ZNF644: variants seen among roughly 807,000 people sequenced by gnomAD.
The protein encoded by ZNF644 is zinc finger motif enhancer binding protein 2.
Under a neutral mutation model 108.0 loss-of-function variants are expected in ZNF644, and 20 were observed. The observed-to-expected ratio is 0.19, with a 90% confidence interval of 0.13 to 0.27. ZNF644 has a LOEUF of 0.27. Ranked by LOEUF, ZNF644 falls within the 10% of genes least tolerant of loss-of-function variation. ZNF644 has a pLI of 1.00. For synonymous variants in ZNF644, 542 were observed against 539.1 expected (o/e 1.01, Z -0.08); for missense variants, 1,338 against 1,548.9 (o/e 0.86, Z 2.29).
intron 1 of ZNF644, among the ~76,000 whole-genome samples, chr1:91,007,980 TATC>T (rs1191147814): frequency 1.3e-5 from 2 of 152,224 alleles, no homozygotes; most frequent in African/African-American, 4.8e-5. Context: ...CCACATCTGT[TATC>T]AGTTAGATAT....
At chr1:90,921,580 C>G (rs1288013457) in intron 4 of ZNF644, among the ~76,000 whole-genome samples, 1 of 151,912 alleles carries the variant, frequency 6.6e-6, no homozygotes, top group African/African-American at 2.4e-5. Flanking sequence ...GTCATCCAAA[C>G]CTTCCTAAGA....
chr1:90,998,737 A>G (rs905131181), intron 1 of ZNF644, among the ~76,000 whole-genome samples: 4 of 152,068 alleles, frequency 2.6e-5, no homozygotes, highest in African/African-American at 9.6e-5. Context: ...GGCTTCAGAC[A>G]ATCAAACTTC....
At chr1:91,001,302 C>T (rs1170849847) in intron 1 of ZNF644, among the ~76,000 whole-genome samples, 2 of 152,128 alleles carry the variant, frequency 1.3e-5, no homozygotes, top group East Asian at 1.9e-4. Context: ...TACTGGCAAA[C>T]CGAATCCAGC....
rs139430315 is a variant in ZNF644, at chr1:91,012,799, G to A, written c.-18+9191C>T. On this transcript the variant is annotated intron_variant, in intron 1 of 5. Transcript: ENST00000337393. ...GTATACTTATATGTATAAATTCACT[G>A]AGTTGTACTTAAGATTTGTGCACTT... is the stretch of plus-strand genomic sequence containing the variant. Among the ~76,000 whole-genome samples, 760 of 152,118 alleles carry A rather than the reference G, an allele frequency of 5.0e-3. 20 individuals carry two copies. Among genetic ancestry groups the A allele is most frequent in the Admixed American group, 0.044 (678 of 15,274 alleles).
At chr1:90,953,989 A>G (rs912490221) in intron 2 of ZNF644, among the ~76,000 whole-genome samples, 2 of 152,174 alleles carry the variant, frequency 1.3e-5, no homozygotes, top group Non-Finnish European at 2.9e-5. Context: ...CAGTCATCTG[A>G]GCATTCAGTG....
At position 90,937,685 on chromosome 1, in the gene ZNF644, C is replaced by G. The variant is rs758164024; in HGVS notation, c.3488G>C (p.Gly1163Ala). The G allele has an allele frequency of 3.1e-6, 5 of 1,613,678 alleles. No homozygotes were observed. Among genetic ancestry groups the G allele is most frequent in the African/African-American group, 2.7e-5 (2 of 74,874 alleles). The change falls in exon 4 of 6, where the codon GGG becomes GCG. Residue 1163 changes from glycine to alanine, a missense_variant. By Grantham distance (60) the Gly-to-Ala change is moderately conservative. Around this residue, in one of 6 missense-constraint regions of ZNF644, gnomAD observed 287 missense variants for 310.9 expected, o/e 0.92. Coordinates refer to ENST00000337393, the MANE Select transcript of ZNF644 (RefSeq NM_201269.3). ...YDETKPELPS[G>A]KKNQSLTLIE... is the part of the protein sequence containing the mutation. ...GAGTGTAAGAGACTGATTCTTTTTCCCACTGGGCAGTTCTGGTTTTGTTTC... is the reference window on the plus strand; with the variant it reads ...GAGTGTAAGAGACTGATTCTTTTTCGCACTGGGCAGTTCTGGTTTTGTTTC...
At chr1:90,997,254 G>A (rs1658236079) in intron 1 of ZNF644, among the ~76,000 whole-genome samples, 1 of 152,128 alleles carries the variant, frequency 6.6e-6, no homozygotes, top group Admixed American at 6.6e-5. Context: ...GTAAGGCAGA[G>A]TTGTAAACTG....
chr1:90,916,879 C>T lies in ZNF644; in HGVS notation c.3903G>A (p.Val1301=), dbSNP rs1364394267. The change falls in exon 6 of 6, where the codon GTG becomes GTA. Residue 1301 remains valine, a synonymous_variant. Transcript: ENST00000337393. ...ANLPRTGAGM[V]EVTSLLKKPA... ...GCTTTTTAAGTAGTGACGTGACTTC[C>T]ACCATGCCAGCTCCAGTCCGTGGAA... 1 of 1,614,156 alleles carries T rather than the reference C, an allele frequency of 6.2e-7. No homozygotes were observed. Among genetic ancestry groups the T allele is most frequent in the South Asian group, 1.1e-5 (1 of 91,082 alleles).
At position 90,937,476 on chromosome 1, in the gene ZNF644, T is replaced by C; in HGVS notation, c.3688+9A>G. ...ACTGTGTATAGCATAGTCATAAACG[T>C]CCTCTTACCTGAGTGCATAGTCAAG... On this transcript the variant is annotated intron_variant, in intron 4 of 5. Transcript: ENST00000337393. 2 of 1,613,646 alleles carry C rather than the reference T, an allele frequency of 1.2e-6. No individual in the cohort carries two copies. The highest frequency in any genetic ancestry group is 1.7e-6 in the Non-Finnish European group (2 of 1,179,602).
At chr1:91,011,398 C>A (rs972964239) in intron 1 of ZNF644, among the ~76,000 whole-genome samples, 1 of 152,078 alleles carries the variant, frequency 6.6e-6, no homozygotes, top group South Asian at 2.1e-4. Context: ...TTCTTCAAAA[C>A]CAGATATACT....
At chr1:90,997,470 C>T (rs752280428) in intron 1 of ZNF644, among the ~76,000 whole-genome samples, 9 of 151,450 alleles carry the variant, frequency 5.9e-5, no homozygotes, top group Non-Finnish European at 7.4e-5. Flanking sequence ...TAACAAACAA[C>T]GCTGGGGCAG....
intron 1 of ZNF644, among the ~76,000 whole-genome samples, chr1:91,014,582 A>C (rs1660268270): frequency 1.3e-5 from 2 of 152,150 alleles, no homozygotes; most frequent in Admixed American, 1.3e-4. Flanking sequence ...AAATCCCATA[A>C]AGTATTAGTT....
chr1:90,994,194 T>C (rs1212774810), intron 1 of ZNF644, among the ~76,000 whole-genome samples: 1 of 152,186 alleles, frequency 6.6e-6, no homozygotes, highest in Non-Finnish European at 1.5e-5. Context: ...GTGGCTATCT[T>C]TGCCACACTT....
rs7554688 is a variant in ZNF644 at position 90,972,571 on chromosome 1, C to T, written c.44+9739G>A. Among the ~76,000 whole-genome samples the T allele has an allele frequency of 3.2e-3, 482 of 152,256 alleles. 2 individuals are homozygous for T. The highest frequency in any genetic ancestry group is 0.011 in the African/African-American group (448 of 41,560). On this transcript the variant is annotated intron_variant, in intron 2 of 5. Transcript: ENST00000337393. ...AAAACTATGGTGGCTCCTCAAAAAA[C>T]TAAAAATAGAATTACCATATGATCC...
intron 1 of ZNF644, among the ~76,000 whole-genome samples, chr1:91,010,859 C>T (rs910834139): frequency 3.9e-5 from 6 of 152,042 alleles, no homozygotes; most frequent in Admixed American, 6.6e-5. Flanking sequence ...GGAAATACAA[C>T]CAGACAAACA....
chr1:90,934,264 A>C (rs547914047), intron 4 of ZNF644, among the ~76,000 whole-genome samples: 1 of 152,312 alleles, frequency 6.6e-6, no homozygotes, highest in East Asian at 1.9e-4. Context: ...GAATGCAAAG[A>C]AGCAGAAGAA....
At chr1:91,006,231 C>T (rs1659405579) in intron 1 of ZNF644, among the ~76,000 whole-genome samples, 2 of 152,126 alleles carry the variant, frequency 1.3e-5, no homozygotes, top group Admixed American at 1.3e-4. Context: ...GTAGAGAGAA[C>T]TTCCCACAAA....
At chr1:90,945,909 T>C (rs1312118071) in intron 2 of ZNF644, among the ~76,000 whole-genome samples, 2 of 152,114 alleles carry the variant, frequency 1.3e-5, no homozygotes, top group African/African-American at 4.8e-5. Flanking sequence ...GCCCTCATTG[T>C]ATATTAGTTC....
intron 1 of ZNF644, among the ~76,000 whole-genome samples, chr1:90,998,292 C>T (rs539154502): frequency 6.6e-6 from 1 of 152,292 alleles, no homozygotes; most frequent in East Asian, 1.9e-4. Flanking sequence ...TGGGAGGCAC[C>T]CACCACTAGG....
Sources: allele counts gnomAD v4.1 joint callset (sites outside exome capture counted in the v4.1 genomes callset), GRCh38; gene constraint gnomAD v4.1.1; regional missense constraint gnomAD v4.1.1; transcripts MANE v1.5; gene names NCBI Gene and HGNC (gene_info 2026-07-23, HGNC 2026-07-21).